ZSCAN20: variants seen among roughly 807,000 people sequenced by gnomAD.
ZSCAN20 encodes the protein zinc finger and SCAN domain-containing protein 20.
In ZSCAN20, 39 loss-of-function variants were observed where a neutral mutation model predicts 97.1. That is an observed-to-expected ratio of 0.40 (90% CI 0.31 to 0.52). ZSCAN20 has a LOEUF of 0.52. ZSCAN20 is among the 20% of genes least tolerant of loss of function. ZSCAN20 has a pLI of 0.49. For synonymous variants in ZSCAN20, 456 were observed against 467.3 expected (o/e 0.98, Z 0.31); for missense variants, 1,115 against 1,290.4 (o/e 0.86, Z 2.08).
At position 33,491,779 on chromosome 1, in the gene ZSCAN20, G is replaced by T. The variant is rs1652629809; in HGVS notation, c.1444+77G>T. 7.0e-7 allele frequency: 1 copy of T among 1,436,280 alleles called. No individual in the cohort carries two copies. The highest frequency in any genetic ancestry group is 2.3e-5 in the East Asian group (1 of 43,492). The allele number at this position is 1,436,280 out of a possible 1,614,324, so 89.0% of individuals were successfully genotyped here. On this transcript the variant is annotated intron_variant, in intron 6 of 7. Transcript: ENST00000684572. This position sits in a 1 kb window ranked among gnomAD's most constrained non-coding sequence, Gnocchi z 4.3. ...TAGACTGCTATTCCCTGAGGTCAGG[G>T]CACAGGCTGCAAGTCTGGATTGAAG...
intron 2 of ZSCAN20, among the ~76,000 whole-genome samples, chr1:33,488,250 A>G (rs1319203258): frequency 6.6e-6 from 1 of 152,174 alleles, no homozygotes; most frequent in Non-Finnish European, 1.5e-5. Flanking sequence ...TCATTGAAAC[A>G]CTTGGATCGC....
At chr1:33,478,412 G>A (rs1352364318) in intron 1 of ZSCAN20, among the ~76,000 whole-genome samples, 1 of 152,060 alleles carries the variant, frequency 6.6e-6, no homozygotes, top group African/African-American at 2.4e-5. Flanking sequence ...TGATGGCAGT[G>A]CCTTCACTGA....
At position 33,489,149 on chromosome 1, in the gene ZSCAN20, G is replaced by T. The variant is rs768385858; in HGVS notation, c.639G>T (p.Lys213Asn). The change falls in exon 4 of 8, where the codon AAG (lysine) becomes AAT (asparagine). Residue 213 changes from lysine (K) to asparagine (N), a missense_variant. By Grantham distance (94) the Lys-to-Asn change is moderately conservative. Coordinates refer to ENST00000684572, the MANE Select transcript of ZSCAN20 (RefSeq NM_001377376.1). Reference sequence around the variant, plus strand: ...CTCCCCGAGTCCCTACTCTCCCAAAGATGGGGAGCGTTGGAGATTGGGAGG... The same window carrying T: ...CTCCCCGAGTCCCTACTCTCCCAAATATGGGGAGCGTTGGAGATTGGGAGG... ...VLTPRVPTLP[K>N]MGSVGDWEVT... 6.2e-7 allele frequency: 1 copy of T among 1,613,904 alleles called. No homozygotes were observed. Among genetic ancestry groups the T allele is most frequent in the Non-Finnish European group, 8.5e-7 (1 of 1,179,894 alleles).
chr1:33,495,110 G>A lies in ZSCAN20; in HGVS notation c.2766G>A (p.Gln922=). The change falls in exon 8 of 8, where the codon CAG becomes CAA. Residue 922 remains glutamine, a synonymous_variant. Transcript: ENST00000684572. The part of the protein sequence containing the change: ...FSKSSTLANH[Q]RTHTGEKPYK... ...AGAGCTCCACCCTGGCCAACCACCAGCGCACCCACACTGGAGAGAAGCCGT... is the reference window on the plus strand; with the variant it reads ...AGAGCTCCACCCTGGCCAACCACCAACGCACCCACACTGGAGAGAAGCCGT... 3 of 1,613,224 alleles carry A rather than the reference G, an allele frequency of 1.9e-6. No individual in the cohort carries two copies. The highest frequency in any genetic ancestry group is 2.5e-6 in the Non-Finnish European group (3 of 1,179,354).
In ZSCAN20 at chr1:33,494,845, G is replaced by A. The variant is rs576378198; in HGVS notation, c.2501G>A (p.Ser834Asn). Residue 834 changes from serine to asparagine, a missense_variant, in exon 8 of 8, where the codon AGC becomes AAC. By Grantham distance (46) the Ser-to-Asn change is conservative. Around this residue, in one of 3 missense-constraint regions of ZSCAN20, gnomAD observed 554 missense variants for 584.9 expected, o/e 0.95. Coordinates refer to ENST00000684572, the MANE Select transcript of ZSCAN20 (RefSeq NM_001377376.1). ...CSEPGGNFAQ[S>N]PSFSAHWRNS... ...GAGCCTGGGGGAAACTTTGCCCAAAGCCCATCTTTTAGTGCTCACTGGAGG... is the reference window on the plus strand; with the variant it reads ...GAGCCTGGGGGAAACTTTGCCCAAAACCCATCTTTTAGTGCTCACTGGAGG... The A allele has an allele frequency of 6.2e-7, 1 of 1,614,208 alleles. No homozygotes were observed. Among genetic ancestry groups the A allele is most frequent in the South Asian group, 1.1e-5 (1 of 91,082 alleles).
Position 33,495,720 on chromosome 1 carries a change from G to A in ZSCAN20, c.*244G>A. On this transcript the variant is annotated 3_prime_UTR_variant, in exon 8 of 8. Transcript: ENST00000684572. ...CAGAATCCTGACTGTCCTTGTATTTGCTATCATGTAAGAGCTGTGTCAGTA... is the reference window on the plus strand; with the variant it reads ...CAGAATCCTGACTGTCCTTGTATTTACTATCATGTAAGAGCTGTGTCAGTA... The A allele has an allele frequency of 2.9e-6, 1 of 339,974 alleles. No homozygotes were observed. Among genetic ancestry groups the A allele is most frequent in the Non-Finnish European group, 5.3e-6 (1 of 187,690 alleles). The allele number at this position is 339,974 out of a possible 1,614,324, so 21.1% of individuals were successfully genotyped here.
chr1:33,500,642 T>G lies in ZSCAN20; in HGVS notation c.*5166T>G, dbSNP rs1339420891. Among the ~76,000 whole-genome samples the G allele has an allele frequency of 2.0e-5, 3 of 150,464 alleles. No homozygotes were observed. Among genetic ancestry groups the G allele is most frequent in the Non-Finnish European group, 2.9e-5 (2 of 67,882 alleles). Reference sequence around the variant, plus strand: ...GCTTCTGATCATGCCTGCTATTACATGATACTTATTTCTAAAGTCACTTTT... The same window carrying G: ...GCTTCTGATCATGCCTGCTATTACAGGATACTTATTTCTAAAGTCACTTTT... On this transcript the variant is annotated 3_prime_UTR_variant, in exon 8 of 8. Transcript: ENST00000684572.
At chr1:33,480,680 GTAACTTATC>G (rs1414029701) in intron 2 of ZSCAN20, among the ~76,000 whole-genome samples, 1 of 152,180 alleles carries the variant, frequency 6.6e-6, no homozygotes, top group African/African-American at 2.4e-5. Flanking sequence ...GGAGAGGTAA[GTAACTTATC>G]TAACTTTATA....
rs375588396 is a variant in ZSCAN20 at position 33,479,521 on chromosome 1, G to A, written c.233G>A (p.Arg78His). The A allele has an allele frequency of 2.3e-5, 37 of 1,613,232 alleles. No homozygotes were observed. The highest frequency in any genetic ancestry group is 1.1e-4 in the African/African-American group (8 of 75,048). ...AGCCAGCTCTGGGCTCTCTGCTGTCGTTGGCTGAGGCCGGAGATCCGTCTC... is the reference window on the plus strand; with the variant it reads ...AGCCAGCTCTGGGCTCTCTGCTGTCATTGGCTGAGGCCGGAGATCCGTCTC... Reference protein sequence around the residue: ...AFSQLWALCCRWLRPEIRLKE... With the variant: ...AFSQLWALCCHWLRPEIRLKE... The change falls in exon 2 of 8, where the codon CGT becomes CAT. Residue 78 changes from arginine to histidine, a missense_variant. Arg to His is a conservative substitution (Grantham distance 29). This residue lies in a region of ZSCAN20 where 508 missense variants were observed against 611.2 expected (regional missense o/e 0.83). Coordinates refer to ENST00000684572, the MANE Select transcript of ZSCAN20 (RefSeq NM_001377376.1).
chr1:33,493,557 A>G lies in ZSCAN20; in HGVS notation c.1815A>G (p.Glu605=). The G allele has an allele frequency of 6.2e-7, 1 of 1,611,620 alleles. No individual in the cohort carries two copies. Among genetic ancestry groups the G allele is most frequent in the East Asian group, 2.2e-5 (1 of 44,790 alleles). ...CTGATGCCCAGGAGGCCTGGGGTGA[A>G]GTGGCCAATGAAGATGCTGTCAAAC... ...AETDAQEAWG[E]VANEDAVKPS... The change falls in exon 7 of 8, where the codon GAA becomes GAG. Residue 605 remains glutamate, a synonymous_variant. Transcript: ENST00000684572. The surrounding 1 kb of genome is among the most constrained non-coding windows in gnomAD (Gnocchi z 4.3).
chr1:33,489,889 C>T (rs1652528796), intron 5 of ZSCAN20, among the ~76,000 whole-genome samples: 1 of 152,086 alleles, frequency 6.6e-6, no homozygotes, highest in Non-Finnish European at 1.5e-5. Flanking sequence ...ACTGCCATCT[C>T]AGAAATCTGA....
chr1:33,485,689 A>G (rs894208487), intron 2 of ZSCAN20, among the ~76,000 whole-genome samples: 1 of 152,008 alleles, frequency 6.6e-6, no homozygotes, highest in Non-Finnish European at 1.5e-5. Context: ...CTGGGGTTAC[A>G]TGTGTGAGCC....
At chr1:33,487,657 T>A (rs1410144596) in intron 2 of ZSCAN20, among the ~76,000 whole-genome samples, 2 of 152,188 alleles carry the variant, frequency 1.3e-5, no homozygotes, top group Non-Finnish European at 2.9e-5. Context: ...TAATTTCTTT[T>A]TTTGAGACAA....
In ZSCAN20 at chr1:33,488,494, G is replaced by T; in HGVS notation, c.447G>T (p.Arg149Ser). The T allele has an allele frequency of 6.2e-7, 1 of 1,614,064 alleles. No homozygotes were observed. The highest frequency in any genetic ancestry group is 1.1e-5 in the South Asian group (1 of 91,064). The change falls in exon 3 of 8, where the codon AGG becomes AGT. Residue 149 changes from arginine (R) to serine (S), a missense_variant. Arg to Ser is a moderately radical substitution (Grantham distance 110). Around this residue, in one of 3 missense-constraint regions of ZSCAN20, gnomAD observed 508 missense variants for 611.2 expected, o/e 0.83. Coordinates refer to ENST00000684572, the MANE Select transcript of ZSCAN20 (RefSeq NM_001377376.1). ...TGGAATTGCATACAGAAGAGACCAG[G>T]CCCTTAAAGACAGGGGAAGAAGCTC... ...SGLELHTEET[R>S]PLKTGEEAQS...
At position 33,501,502 on chromosome 1, in the gene ZSCAN20, A is replaced by G. The variant is rs1570572516; in HGVS notation, c.*6026A>G. Among the ~76,000 whole-genome samples the G allele has an allele frequency of 7.2e-6, 1 of 139,650 alleles. No homozygotes were observed. Among genetic ancestry groups the G allele is most frequent in the Non-Finnish European group, 1.6e-5 (1 of 64,102 alleles). The allele number at this position is 139,650 out of a possible 152,430, so 91.6% of individuals were successfully genotyped here. ...GTGGACCAATCCCTGGCTTCATTTT[A>G]TTTGGCTTTGCTTTCACTTCCCCAT... is the stretch of plus-strand genomic sequence containing the variant. On this transcript the variant is annotated 3_prime_UTR_variant, in exon 8 of 8. Transcript: ENST00000684572.
Position 33,491,030 on chromosome 1 carries a change from C to G in ZSCAN20, c.772C>G (p.Pro258Ala). The G allele has an allele frequency of 6.3e-7, 1 of 1,594,086 alleles. No homozygotes were observed. The highest frequency in any genetic ancestry group is 8.5e-7 in the Non-Finnish European group (1 of 1,172,206). ...DCGNSVCLGV[P>A]VSKPSNTSEK... ...CATTTCTCTTCCTTTTGTAGGAGTT[C>G]CAGTTTCAAAACCAAGTAATACCTC... The change falls in exon 6 of 8, where the codon CCA (proline) becomes GCA (alanine). Residue 258 changes from proline (P) to alanine (A), a missense_variant. Around this residue, in one of 3 missense-constraint regions of ZSCAN20, gnomAD observed 508 missense variants for 611.2 expected, o/e 0.83. Coordinates refer to ENST00000684572, the MANE Select transcript of ZSCAN20 (RefSeq NM_001377376.1). This position sits in a 1 kb window ranked among gnomAD's most constrained non-coding sequence, Gnocchi z 4.3.
At chr1:33,479,117 G>C in intron 1 of ZSCAN20, 62 bp from the exon 2 acceptor site, 1 of 653,582 alleles carries the variant, frequency 1.5e-6, no homozygotes, top group African/African-American at 1.8e-5. Flanking sequence ...TATGGGGGAA[G>C]GGGGAGAATG....
chr1:33,489,923 A>ATC (rs746460849), intron 5 of ZSCAN20, among the ~76,000 whole-genome samples: 18 of 152,156 alleles, frequency 1.2e-4, no homozygotes, highest in African/African-American at 3.9e-4. Context: ...TGTAAATAGG[A>ATC]TCTCTCTCTC....
At chr1:33,484,008 T>C (rs1033099761) in intron 2 of ZSCAN20, among the ~76,000 whole-genome samples, 5 of 152,248 alleles carry the variant, frequency 3.3e-5, no homozygotes, top group Admixed American at 1.3e-4. Context: ...TTGTTCATTG[T>C]TGGTATATAG....
Sources: allele counts gnomAD v4.1 joint callset (sites outside exome capture counted in the v4.1 genomes callset), GRCh38; gene constraint gnomAD v4.1.1; regional missense constraint gnomAD v4.1.1; non-coding constraint Gnocchi (gnomAD v3.1); transcripts MANE v1.5; gene names NCBI Gene and HGNC (gene_info 2026-07-23, HGNC 2026-07-21).